Variants in BRAF observed in about 807,000 individuals in gnomAD.
BRAF encodes the protein B-Raf proto-oncogene, serine/threonine kinase.
Under a neutral mutation model 104.6 loss-of-function variants are expected in BRAF, and 16 were observed. The ratio of observed to expected loss-of-function variants is 0.15; its 90% CI spans 0.10 to 0.23. The LOEUF (loss-of-function observed/expected upper bound fraction) is 0.23, where lower values mean the gene tolerates loss of function less well. BRAF is among the 10% of genes least tolerant of loss of function. The pLI is 1.00. For missense variants in BRAF, 541 were observed against 937.3 expected (o/e 0.58, Z 5.52); for synonymous variants, 310 against 341.6 (o/e 0.91, Z 1.02).
chr7:140,848,213 C>T (rs952305944), intron 2 of BRAF, among the ~76,000 whole-genome samples: 1 of 151,916 alleles, frequency 6.6e-6, no homozygotes, highest in African/African-American at 2.4e-5. Context: ...GGGGAAAGAG[C>T]GAGACAATGT....
chr7:140,846,700 A>T (rs956632498), intron 2 of BRAF, among the ~76,000 whole-genome samples: 1 of 149,394 alleles, frequency 6.7e-6, no homozygotes, highest in African/African-American at 2.5e-5. Context: ...TACCCCAATA[A>T]AAAAAAAAAG....
chr7:140,760,396 G>C (rs577808672), intron 14 of BRAF, among the ~76,000 whole-genome samples: 1 of 146,682 alleles, frequency 6.8e-6, no homozygotes, highest in Non-Finnish European at 1.5e-5. Flanking sequence ...CTGAGGGACA[G>C]AGTGAGACTC....
intron 1 of BRAF, among the ~76,000 whole-genome samples, chr7:140,865,331 C>T (rs1197467034): frequency 2.6e-5 from 4 of 152,116 alleles, no homozygotes; most frequent in Non-Finnish European, 4.4e-5. Flanking sequence ...CCACCTGCCT[C>T]GGCCTCCCAA....
rs57143942 is a variant in BRAF, at chr7:140,809,167, T to G, written c.505-172A>C. ...TAAAGGGAAATTATAACCCAAATATTTGTTATTATTCACCAACTTAAATCA... is the reference window on the plus strand; with the variant it reads ...TAAAGGGAAATTATAACCCAAATATGTGTTATTATTCACCAACTTAAATCA... On this transcript the variant is annotated intron_variant, in intron 3 of 19. Coordinates refer to ENST00000644969, the MANE Select transcript of BRAF (RefSeq NM_001374258.1). Among the ~76,000 whole-genome samples, 23,043 of 152,152 alleles carry G rather than the reference T, an allele frequency of 0.15. 2,809 individuals carry two copies. Among genetic ancestry groups the G allele is most frequent in the African/African-American group, 0.35 (14,309 of 41,460 alleles).
intron 2 of BRAF, among the ~76,000 whole-genome samples, chr7:140,844,793 G>A (rs1335046977): frequency 1.3e-5 from 2 of 152,004 alleles, no homozygotes; most frequent in Non-Finnish European, 2.9e-5. Flanking sequence ...ATGGTGGCAG[G>A]TGCCTGTAAT....
chr7:140,727,150 TAATG>T (rs1466991017), intron 19 of BRAF, among the ~76,000 whole-genome samples: 7 of 151,918 alleles, frequency 4.6e-5, no homozygotes, highest in Non-Finnish European at 1.0e-4. Flanking sequence ...TCCTTTAGCT[TAATG>T]AATTTGGGGG....
chr7:140,805,701 T>C (rs1320942883), intron 5 of BRAF, among the ~76,000 whole-genome samples: 1 of 152,156 alleles, frequency 6.6e-6, no homozygotes. Flanking sequence ...GGTTTGGATA[T>C]AAAAGTTTCA....
At chr7:140,757,143 G>T (rs1485790877) in intron 14 of BRAF, among the ~76,000 whole-genome samples, 1 of 152,076 alleles carries the variant, frequency 6.6e-6, no homozygotes, top group Non-Finnish European at 1.5e-5. Context: ...CTGCTGCTGG[G>T]TCAAAATTTA....
intron 1 of BRAF, among the ~76,000 whole-genome samples, chr7:140,852,032 T>C (rs552338766): frequency 6.6e-6 from 1 of 152,238 alleles, no homozygotes; most frequent in South Asian, 2.1e-4. Context: ...AAAGTGTGGG[T>C]CCACAGACCA....
chr7:140,761,404 G>A (rs1488007855), intron 14 of BRAF, among the ~76,000 whole-genome samples: 4 of 151,924 alleles, frequency 2.6e-5, no homozygotes, highest in Admixed American at 6.6e-5. Context: ...AACATGGAAA[G>A]GAACAAGTGG....
Position 140,722,805 on chromosome 7 carries a change from G to A in BRAF, c.*3689C>T, listed in dbSNP as rs1795380210. 1 of 1,052,496 alleles carries A rather than the reference G, an allele frequency of 9.5e-7. No individual in the cohort carries two copies. The highest frequency in any genetic ancestry group is 1.7e-5 in the African/African-American group (1 of 60,356). 65.2% of individuals were successfully genotyped at this position (1,052,496 alleles called of 1,614,324 possible). A position where few individuals can be genotyped will look rare whatever the true frequency, so the allele number is the denominator to read the frequency against. On this transcript the variant is annotated 3_prime_UTR_variant, in exon 20 of 20. Coordinates refer to ENST00000644969, the MANE Select transcript of BRAF (RefSeq NM_001374258.1). ...TCACTGTTAGTGAAGTGATACCACAGCTATTTAATTTCATGCAATTGACTC... is the reference window on the plus strand; with the variant it reads ...TCACTGTTAGTGAAGTGATACCACAACTATTTAATTTCATGCAATTGACTC...
At chr7:140,872,790 G>T (rs928688921) in intron 1 of BRAF, among the ~76,000 whole-genome samples, 1 of 152,072 alleles carries the variant, frequency 6.6e-6, no homozygotes, top group African/African-American at 2.4e-5. Flanking sequence ...TTGAGCCCAT[G>T]AGGTGGAGGC....
rs752429313 is a variant in BRAF at position 140,781,675 on chromosome 7, C to T, written c.1453G>A (p.Asp485Asn). 6.2e-7 allele frequency: 1 copy of T among 1,613,908 alleles called. No individual in the cohort carries two copies. The highest frequency in any genetic ancestry group is 1.6e-4 in the Middle Eastern group (1 of 6,062). ...RNRMKTLGRR[D>N]SSDDWEIPDG... is the part of the protein sequence containing the mutation. ...GGAATCTCCCAATCATCACTCGAGTCCCGTCTACCAAGTGTTTTCTTGATA... is the reference window on the plus strand; with the variant it reads ...GGAATCTCCCAATCATCACTCGAGTTCCGTCTACCAAGTGTTTTCTTGATA... Residue 485 changes from aspartate to asparagine, a missense_variant, in exon 12 of 20, where the codon GAC becomes AAC. Asp to Asn is a conservative substitution (Grantham distance 23). Around this residue, in one of 10 missense-constraint regions of BRAF, gnomAD observed 109 missense variants for 143.9 expected, o/e 0.76. Coordinates refer to ENST00000644969, the MANE Select transcript of BRAF (RefSeq NM_001374258.1).
chr7:140,855,019 G>GT lies in BRAF; in HGVS notation c.139-4808dup, dbSNP rs1809619653. Among the ~76,000 whole-genome samples, 2 of 152,026 alleles carry GT rather than the reference G, an allele frequency of 1.3e-5. 1 individual carries two copies. Among genetic ancestry groups the GT allele is most frequent in the South Asian group, 4.2e-4 (2 of 4,816 alleles). On this transcript the variant is annotated intron_variant, in intron 1 of 19. Coordinates refer to ENST00000644969, the MANE Select transcript of BRAF (RefSeq NM_001374258.1). ...CAGACCATAAGTGTCTGGAAGTCAG[G>GT]TTTTTTATCTCCCCAAAGAAGAGTA...
chr7:140,804,407 G>T (rs200184457), intron 5 of BRAF, among the ~76,000 whole-genome samples: 11,284 of 136,640 alleles, frequency 0.083, 531 homozygotes, highest in South Asian at 0.17. Context: ...TTTTTTTTTT[G>T]GGGGGGGTGG....
intron 1 of BRAF, among the ~76,000 whole-genome samples, chr7:140,875,124 A>T (rs1267889538): frequency 6.6e-6 from 1 of 152,200 alleles, no homozygotes; most frequent in African/African-American, 2.4e-5. Context: ...CTTTATAGCA[A>T]TTCAAGAATA....
intron 8 of BRAF, among the ~76,000 whole-genome samples, chr7:140,789,477 A>C (rs1371548017): frequency 6.6e-6 from 1 of 152,214 alleles, no homozygotes; most frequent in East Asian, 1.9e-4. Flanking sequence ...TATCATATAA[A>C]GTCTTCAACA....
chr7:140,734,354 T>C (rs1416857476), intron 19 of BRAF: 8 of 1,350,012 alleles, frequency 5.9e-6, no homozygotes, highest in Non-Finnish European at 7.6e-6. Context: ...GTAAAGCCTC[T>C]AGAAGAGGCT....
rs1169439819 is a variant in BRAF at position 140,924,324 on chromosome 7, C to T, written c.138+242G>A. Among the ~76,000 whole-genome samples the T allele has an allele frequency of 2.0e-5, 3 of 152,162 alleles. No individual in the cohort carries two copies. The highest frequency in any genetic ancestry group is 7.2e-5 in the African/African-American group (3 of 41,458). ...TAGCCTCCCGCTCAACCACCGCTGC[C>T]CCAATCCCCACATCTGGGGTGGGGG... On this transcript the variant is annotated intron_variant, in intron 1 of 19. Transcript: ENST00000644969. This position sits in a 1 kb window ranked among gnomAD's most constrained non-coding sequence, Gnocchi z 4.2.
Sources: gnomAD v4.1 joint callset for allele counts (sites outside exome capture counted in the v4.1 genomes callset) on GRCh38, gnomAD v4.1.1 for gene constraint, gnomAD v4.1.1 regional missense constraint, Gnocchi (gnomAD v3.1) non-coding constraint, MANE v1.5 for transcripts, NCBI Gene and HGNC (gene_info 2026-07-23, HGNC 2026-07-21) for gene names.